BNC2: variants seen among roughly 807,000 people sequenced by gnomAD.
BNC2 encodes zinc finger protein basonuclin-2.
Under a neutral mutation model 76.3 loss-of-function variants are expected in BNC2, and 20 were observed. That is an observed-to-expected ratio of 0.26 (90% CI 0.18 to 0.38). The LOEUF is 0.38. Ranked by LOEUF, BNC2 falls within the 10% of genes least tolerant of loss-of-function variation. The probability of loss-of-function intolerance (pLI) is 1.00; values close to 1 mark genes in which losing one functional copy is unlikely to be tolerated. For synonymous variants in BNC2, 582 were observed against 514.8 expected (o/e 1.13, Z -1.77); for missense variants, 1,382 against 1,399.8 (o/e 0.99, Z 0.20).
chr9:16,717,615 T>C (rs1202045722), intron 3 of BNC2, among the ~76,000 whole-genome samples: 1 of 152,198 alleles, frequency 6.6e-6, no homozygotes, highest in African/African-American at 2.4e-5. Context: ...TCACAAATTT[T>C]TGTTTCTACT....
At chr9:16,506,789 T>A (rs2131855797) in intron 5 of BNC2, among the ~76,000 whole-genome samples, 1 of 151,568 alleles carries the variant, frequency 6.6e-6, no homozygotes, top group Admixed American at 6.6e-5. Flanking sequence ...TTTGCTCTTG[T>A]CACCCAGGCT....
At chr9:16,593,590 G>C (rs1256206975) in intron 3 of BNC2, among the ~76,000 whole-genome samples, 1 of 151,800 alleles carries the variant, frequency 6.6e-6, no homozygotes, top group Non-Finnish European at 1.5e-5. Flanking sequence ...GATTTTGTTA[G>C]GCAATTAGTA....
intron 6 of BNC2, among the ~76,000 whole-genome samples, chr9:16,431,838 A>G (rs1016634393): frequency 6.6e-6 from 1 of 152,166 alleles, no homozygotes. Context: ...GATCCCTCAC[A>G]TGCACATTTC....
rs557135291 is a variant in BNC2, at chr9:16,707,059, G to T, written c.330+20738C>A. 7.2e-5 allele frequency among the ~76,000 whole-genome samples: 11 copies of T among 152,168 alleles called. No homozygotes were observed. In the South Asian group the frequency reaches 1.2e-3, roughly 17 times the overall value. Reference sequence around the variant, plus strand: ...CTACTAAAAATACAAAAAATTAGCCGGGCGTGATGGTGGGCGCCTGTAGTC... The same window carrying T: ...CTACTAAAAATACAAAAAATTAGCCTGGCGTGATGGTGGGCGCCTGTAGTC... On this transcript the variant is annotated intron_variant, in intron 3 of 6. Transcript: ENST00000380672.
At chr9:16,615,010 G>T (rs1254505829) in intron 3 of BNC2, among the ~76,000 whole-genome samples, 1 of 124,996 alleles carries the variant, frequency 8.0e-6, no homozygotes, top group Non-Finnish European at 1.6e-5. Flanking sequence ...AAAAAGCCAA[G>T]CAGGCCAGTT....
At chr9:16,866,991 T>C (rs1205821130) in intron 1 of BNC2, among the ~76,000 whole-genome samples, 2 of 152,210 alleles carry the variant, frequency 1.3e-5, no homozygotes, top group Admixed American at 1.3e-4. Context: ...GCTCCTTATA[T>C]ATTTATCAAG....
At chr9:16,778,503 A>C (rs2135523566) in intron 1 of BNC2, among the ~76,000 whole-genome samples, 1 of 152,372 alleles carries the variant, frequency 6.6e-6, no homozygotes, top group South Asian at 2.1e-4. Context: ...TCCAAAAAAG[A>C]AACAGAAAGG....
intron 5 of BNC2, among the ~76,000 whole-genome samples, chr9:16,499,142 G>A (rs1174547274): frequency 1.3e-5 from 2 of 152,124 alleles, no homozygotes; most frequent in Non-Finnish European, 2.9e-5. Context: ...CTTACTATTT[G>A]TTGGGCATCA....
Position 16,820,122 on chromosome 9 carries a change from C to CAAAA in BNC2, c.3+50520_3+50523dup, listed in dbSNP as rs11387388. On this transcript the variant is annotated intron_variant, in intron 1 of 6. Transcript: ENST00000380672. Reference sequence around the variant, plus strand: ...CCTGGGCAACAGAGTGAGACTGTCTCAAAAAAAAAAAAAAAAAAAAGGGCT... The same window carrying CAAAA: ...CCTGGGCAACAGAGTGAGACTGTCTCAAAAAAAAAAAAAAAAAAAAAAAAGGGCT... 2.1e-3 allele frequency among the ~76,000 whole-genome samples: 169 copies of CAAAA among 81,722 alleles called. 2 individuals carry two copies. Among genetic ancestry groups the CAAAA allele is most frequent in the African/African-American group, 8.6e-3 (156 of 18,146 alleles). The allele number at this position is 81,722 out of a possible 152,430, so 53.6% of individuals were successfully genotyped here.
At chr9:16,810,612 A>G (rs1818021818) in intron 1 of BNC2, among the ~76,000 whole-genome samples, 1 of 152,238 alleles carries the variant, frequency 6.6e-6, no homozygotes, top group Admixed American at 6.5e-5. Context: ...GGTCACAGGC[A>G]TTGGTGGATG....
chr9:16,570,817 GA>G (rs777560333), intron 4 of BNC2, among the ~76,000 whole-genome samples: 1 of 152,090 alleles, frequency 6.6e-6, no homozygotes, highest in African/African-American at 2.4e-5. Context: ...TTGGCAAAAC[GA>G]AAGTATTTTA....
At chr9:16,605,370 T>A (rs1820355183) in intron 3 of BNC2, among the ~76,000 whole-genome samples, 1 of 152,230 alleles carries the variant, frequency 6.6e-6, no homozygotes, top group Admixed American at 6.5e-5. Flanking sequence ...GACTTTTCCC[T>A]CTTAGGAGGG....
At chr9:16,522,838 A>G (rs1417968773) in intron 5 of BNC2, among the ~76,000 whole-genome samples, 1 of 152,120 alleles carries the variant, frequency 6.6e-6, no homozygotes, top group Non-Finnish European at 1.5e-5. Context: ...GGAGCAGCTG[A>G]AAAATGCCAA....
chr9:16,423,234 C>A (rs966403409), intron 6 of BNC2, among the ~76,000 whole-genome samples: 2 of 152,124 alleles, frequency 1.3e-5, no homozygotes, highest in African/African-American at 4.8e-5. Flanking sequence ...GGGAAGAATA[C>A]TCAATAACAA....
intron 1 of BNC2, among the ~76,000 whole-genome samples, chr9:16,799,898 G>C (rs928269844): frequency 1.3e-5 from 2 of 152,052 alleles, no homozygotes; most frequent in Non-Finnish European, 2.9e-5. Context: ...TATCTTATCA[G>C]TGACAAAAGG....
chr9:16,441,749 T>C (rs1821132822), intron 5 of BNC2, among the ~76,000 whole-genome samples: 1 of 152,250 alleles, frequency 6.6e-6, no homozygotes, highest in Admixed American at 6.5e-5. Context: ...AAAGGCATGA[T>C]ACATTTTTTT....
chr9:16,782,361 C>G (rs183714778), intron 1 of BNC2, among the ~76,000 whole-genome samples: 1 of 151,780 alleles, frequency 6.6e-6, no homozygotes, highest in African/African-American at 2.4e-5. Flanking sequence ...GTATTTCTAT[C>G]GGGGTAAGAA....
chr9:16,550,683 G>C (rs1051377465), intron 5 of BNC2, among the ~76,000 whole-genome samples: 1 of 152,180 alleles, frequency 6.6e-6, no homozygotes, highest in Admixed American at 6.5e-5. Flanking sequence ...GTATACAGGT[G>C]TAAGTATCTT....
intron 5 of BNC2, among the ~76,000 whole-genome samples, chr9:16,450,908 T>C (rs936258986): frequency 1.5e-4 from 23 of 152,222 alleles, no homozygotes; most frequent in Admixed American, 1.2e-3. Context: ...CCATACTCTT[T>C]TCTTTTAGTC....
Sources: allele counts gnomAD v4.1 joint callset (sites outside exome capture counted in the v4.1 genomes callset), GRCh38; gene constraint gnomAD v4.1.1; transcripts MANE v1.5; gene names NCBI Gene and HGNC (gene_info 2026-07-23, HGNC 2026-07-21).